Variants in ERBB4 observed in about 807,000 individuals in gnomAD.
ERBB4 encodes the protein receptor tyrosine-protein kinase erbB-4.
In ERBB4, 42 loss-of-function variants were observed where a neutral mutation model predicts 158.0. The observed-to-expected ratio is 0.27, with a 90% CI of 0.21 to 0.34. The LOEUF (loss-of-function observed/expected upper bound fraction) is 0.34. ERBB4 is among the 10% of genes least tolerant of loss of function. The probability of loss-of-function intolerance (pLI) is 1.00; values close to 1 mark genes in which losing one functional copy is unlikely to be tolerated. For synonymous variants in ERBB4, 583 were observed against 558.7 expected, an observed-to-expected ratio of 1.04 and a Z score of -0.61; for missense variants, 1,333 against 1,624.1, an observed-to-expected ratio of 0.82 and a Z score of 3.08.
At chr2:212,448,369 G>C (rs190249401) in intron 1 of ERBB4, among the ~76,000 whole-genome samples, 1 of 152,148 alleles carries the variant, frequency 6.6e-6, no homozygotes, top group Non-Finnish European at 1.5e-5. Flanking sequence ...TACACTGTTT[G>C]AAAGATTCAT....
intron 1 of ERBB4, among the ~76,000 whole-genome samples, chr2:212,436,056 A>C (rs2092128889): frequency 6.6e-6 from 1 of 151,906 alleles, no homozygotes; most frequent in African/African-American, 2.4e-5. Context: ...TATAACCATA[A>C]AAGCAGGAAA....
chr2:212,298,060 G>A (rs1431681928), intron 1 of ERBB4, among the ~76,000 whole-genome samples: 1 of 151,702 alleles, frequency 6.6e-6, no homozygotes, highest in Non-Finnish European at 1.5e-5. Flanking sequence ...TGAGTAAAAT[G>A]TATTATTATC....
At chr2:212,084,936 T>C (rs2078558439) in intron 2 of ERBB4, among the ~76,000 whole-genome samples, 1 of 151,978 alleles carries the variant, frequency 6.6e-6, no homozygotes, top group Non-Finnish European at 1.5e-5. Context: ...CATTGACCAA[T>C]TACATGACTT....
rs111731528 is a variant in ERBB4 at position 211,644,096 on chromosome 2, T to C, written c.1947-13502A>G. Among the ~76,000 whole-genome samples the C allele has an allele frequency of 4.0e-3, 612 of 152,048 alleles. 5 individuals are homozygous for C. Among genetic ancestry groups the C allele is most frequent in the African/African-American group, 0.013 (555 of 41,524 alleles). On this transcript the variant is annotated intron_variant, in intron 16 of 27. Coordinates refer to ENST00000342788, the MANE Select transcript of ERBB4 (RefSeq NM_005235.3). ...GTAACCCAAGGAAAAAATGAGAGGG[T>C]GAGACTGTTTCTGCCTCCACAGGGG... is the stretch of plus-strand genomic sequence containing the variant.
intron 2 of ERBB4, among the ~76,000 whole-genome samples, chr2:212,055,448 A>T (rs1192450995): frequency 6.6e-6 from 1 of 152,216 alleles, no homozygotes; most frequent in African/African-American, 2.4e-5. Context: ...CCCAACACAG[A>T]GTCTGAGATC....
At chr2:211,865,029 A>G (rs2106093278) in intron 3 of ERBB4, among the ~76,000 whole-genome samples, 1 of 152,114 alleles carries the variant, frequency 6.6e-6, no homozygotes, top group South Asian at 2.1e-4. Flanking sequence ...AAAATAAATA[A>G]ATAAAAGATT....
chr2:211,574,321 C>T (rs748921895), intron 19 of ERBB4, among the ~76,000 whole-genome samples: 33 of 152,054 alleles, frequency 2.2e-4, no homozygotes, highest in Admixed American at 3.9e-4. Context: ...CAACATATAA[C>T]CATGAAGAGT....
At chr2:211,648,533 G>A (rs1190266208) in intron 16 of ERBB4, among the ~76,000 whole-genome samples, 2 of 151,716 alleles carry the variant, frequency 1.3e-5, no homozygotes, top group East Asian at 3.8e-4. Context: ...GCTGCATATT[G>A]TGAAATAACA....
At chr2:211,826,897 C>G (rs1485479869) in intron 3 of ERBB4, among the ~76,000 whole-genome samples, 1 of 151,980 alleles carries the variant, frequency 6.6e-6, no homozygotes, top group Non-Finnish European at 1.5e-5. Flanking sequence ...TCTTGCCCAA[C>G]TGTTATTTGC....
chr2:211,779,585 T>C (rs207462841), intron 4 of ERBB4: 5 of 152,338 alleles, frequency 3.3e-5, no homozygotes, highest in Middle Eastern at 3.4e-3. Flanking sequence ...TGAAATATTA[T>C]CTTATCCATA....
At chr2:211,716,216 G>A (rs984901596) in intron 7 of ERBB4, among the ~76,000 whole-genome samples, 1 of 151,732 alleles carries the variant, frequency 6.6e-6, no homozygotes, top group Non-Finnish European at 1.5e-5. Context: ...TACAAAATTA[G>A]CCAGGCATGG....
At chr2:212,040,308 T>C (rs535042859) in intron 2 of ERBB4, among the ~76,000 whole-genome samples, 1 of 151,792 alleles carries the variant, frequency 6.6e-6, no homozygotes, top group East Asian at 1.9e-4. Context: ...AATAGAAAAA[T>C]TTTAGTAGTT....
chr2:212,088,574 C>T (rs1036262052), intron 2 of ERBB4, among the ~76,000 whole-genome samples: 1 of 151,964 alleles, frequency 6.6e-6, no homozygotes, highest in African/African-American at 2.4e-5. Flanking sequence ...GTTGGTAGTC[C>T]CTGGGTAGCA....
At chr2:212,156,824 T>C (rs1415848618) in intron 1 of ERBB4, among the ~76,000 whole-genome samples, 1 of 152,040 alleles carries the variant, frequency 6.6e-6, no homozygotes, top group East Asian at 1.9e-4. Context: ...ATCAAATAGA[T>C]CACTAAGTCC....
chr2:212,297,936 A>G lies in ERBB4; in HGVS notation c.83-173033T>C, dbSNP rs554056089. 7.9e-5 allele frequency among the ~76,000 whole-genome samples: 12 copies of G among 151,886 alleles called. No homozygotes were observed. The East Asian group carries it at 2.3e-3, about 30-fold the overall frequency. The stretch of plus-strand genomic sequence containing the variant: ...AATTTTGAAATAAAGTAAGTTCAAT[A>G]TAGTCATAAAAATAATGAAATAGCA... On this transcript the variant is annotated intron_variant, in intron 1 of 27. Transcript: ENST00000342788.
chr2:211,891,879 GACCAATAACA>G (rs2078978050), intron 3 of ERBB4, among the ~76,000 whole-genome samples: 1 of 135,712 alleles, frequency 7.4e-6, no homozygotes, highest in South Asian at 2.3e-4. Flanking sequence ...TCTCTGAATA[GACCAATAACA>G]GGAGCTGAAA....
In ERBB4 at chr2:212,425,360, G is replaced by GTGTATGGATACATATATATGAACA. The variant is rs1560285625; in HGVS notation, c.82+113088_82+113089insTGTTCATATATATGTATCCATACA. ...AGGATACATATATATGAACATATAT[G>GTGTATGGATACATATATATGAACA]TATATGTATACATATATATGAACAT... On this transcript the variant is annotated intron_variant, in intron 1 of 27. Transcript: ENST00000342788. 4.7e-4 allele frequency among the ~76,000 whole-genome samples: 69 copies of GTGTATGGATACATATATATGAACA among 147,086 alleles called. 1 individual carries two copies. The highest frequency in any genetic ancestry group is 1.6e-3 in the African/African-American group (66 of 40,512).
intron 21 of ERBB4, 96 bp from the exon 22 acceptor site, chr2:211,428,579 A>G: frequency 2.9e-6 from 2 of 680,938 alleles, no homozygotes; most frequent in Admixed American, 2.0e-5. Context: ...GGCCTTAATC[A>G]TATTTTTTTA....
intron 3 of ERBB4, among the ~76,000 whole-genome samples, chr2:211,802,411 G>A (rs2076521142): frequency 6.6e-6 from 1 of 152,052 alleles, no homozygotes; most frequent in Non-Finnish European, 1.5e-5. Flanking sequence ...TTACTAAAAA[G>A]CTATAATATT....
Sources: gnomAD v4.1 joint callset for allele counts (sites outside exome capture counted in the v4.1 genomes callset) on GRCh38, gnomAD v4.1.1 for gene constraint, MANE v1.5 for transcripts, NCBI Gene and HGNC (gene_info 2026-07-23, HGNC 2026-07-21) for gene names.